The following ST18 variants were observed in gnomAD, a reference collection of about 807,000 sequenced individuals.
The protein encoded by ST18 is suppression of tumorigenicity 18 protein.
Under a neutral mutation model 110.0 loss-of-function variants are expected in ST18, and 50 were observed. That is an observed-to-expected ratio of 0.45 (90% confidence interval 0.36 to 0.58). The LOEUF is 0.58. ST18 is among the 20% of genes least tolerant of loss of function. ST18 has a pLI of 0.00. For synonymous variants in ST18, 461 were observed against 452.4 expected, an observed-to-expected ratio of 1.02 and a Z score of -0.24; for missense variants, 1,306 against 1,280.1, an observed-to-expected ratio of 1.02 and a Z score of -0.31.
intron 2 of ST18, among the ~76,000 whole-genome samples, chr8:52,253,249 G>A (rs1167090235): frequency 2.0e-5 from 3 of 151,936 alleles, no homozygotes; most frequent in East Asian, 1.9e-4. Context: ...TATAATAAAA[G>A]CTTTATTAAA....
intron 2 of ST18, among the ~76,000 whole-genome samples, chr8:52,287,596 A>T (rs2095490069): frequency 1.3e-5 from 2 of 152,342 alleles, no homozygotes; most frequent in South Asian, 4.1e-4. Flanking sequence ...ACCGGTTGCC[A>T]TGAAGGAGAA....
intron 2 of ST18, among the ~76,000 whole-genome samples, chr8:52,254,738 C>G (rs2094471316): frequency 6.6e-6 from 1 of 152,098 alleles, no homozygotes; most frequent in South Asian, 2.1e-4. Context: ...CTCGAGTGTT[C>G]TGATTTTGTG....
rs1454295303 is a variant in ST18 at position 52,150,042 on chromosome 8, G to T, written c.1807-65C>A. 5.2e-6 allele frequency: 8 copies of T among 1,526,944 alleles called. No homozygotes were observed. In the African/African-American group the frequency reaches 5.6e-5, roughly 11 times the overall value. The allele number at this position is 1,526,944 out of a possible 1,614,324, so 94.6% of individuals were successfully genotyped here. A position where few individuals can be genotyped will look rare whatever the true frequency, so the allele number is the denominator to read the frequency against. ...TGCAGTTACAGCCTAGCCATGTGGGGCTTTTAAGGGATCATTTTAAATGTA... is the reference window on the plus strand; with the variant it reads ...TGCAGTTACAGCCTAGCCATGTGGGTCTTTTAAGGGATCATTTTAAATGTA... On this transcript the variant is annotated intron_variant, in intron 15 of 25. Transcript: ENST00000689386.
chr8:52,290,052 G>A (rs989966632), intron 2 of ST18, among the ~76,000 whole-genome samples: 3 of 152,040 alleles, frequency 2.0e-5, no homozygotes, highest in African/African-American at 7.2e-5. Flanking sequence ...CAGGTGCATC[G>A]ACTCTTATGG....
chr8:52,305,846 C>T (rs867380258), intron 2 of ST18, among the ~76,000 whole-genome samples: 31 of 151,634 alleles, frequency 2.0e-4, no homozygotes, highest in African/African-American at 7.2e-4. Context: ...TAACAGGACT[C>T]CTGGCTTGCA....
intron 10 of ST18, 78 bp from the exon 11 acceptor site, chr8:52,167,064 T>C: frequency 1.3e-6 from 2 of 1,507,106 alleles, no homozygotes; most frequent in Non-Finnish European, 1.8e-6. Context: ...CCTTGCAGGG[T>C]GACATTCTCA....
intron 2 of ST18, among the ~76,000 whole-genome samples, chr8:52,400,923 A>G (rs1330687278): frequency 1.3e-5 from 2 of 152,054 alleles, no homozygotes; most frequent in South Asian, 2.1e-4. Flanking sequence ...CGAGTTTTAT[A>G]TTGTCATATG....
At chr8:52,198,819 C>T (rs1268525259) in intron 8 of ST18, among the ~76,000 whole-genome samples, 1 of 152,230 alleles carries the variant, frequency 6.6e-6, no homozygotes. Context: ...ATGAAGCCTG[C>T]AAGCTCCACA....
At chr8:52,142,509 C>T (rs563999454) in intron 17 of ST18, among the ~76,000 whole-genome samples, 1 of 152,246 alleles carries the variant, frequency 6.6e-6, no homozygotes, top group South Asian at 2.1e-4. Context: ...TAGTACATAA[C>T]TCGTACTTAC....
At chr8:52,127,715 T>C (rs1045327298) in intron 22 of ST18, among the ~76,000 whole-genome samples, 3 of 152,076 alleles carry the variant, frequency 2.0e-5, no homozygotes, top group African/African-American at 7.3e-5. Context: ...AAGAATATAG[T>C]TATGAAAGAG....
intron 2 of ST18, among the ~76,000 whole-genome samples, chr8:52,266,582 C>T (rs1300236549): frequency 2.7e-5 from 4 of 147,418 alleles, no homozygotes; most frequent in Non-Finnish European, 5.9e-5. Flanking sequence ...CACTCTGTTG[C>T]CCAGGCTGGA....
intron 19 of ST18, among the ~76,000 whole-genome samples, chr8:52,133,987 T>C (rs983382741): frequency 3.9e-5 from 6 of 152,316 alleles, no homozygotes; most frequent in Admixed American, 3.9e-4. Context: ...CGTCTCGGCC[T>C]CCCAAAGCTC....
rs183880017 is a variant in ST18 at position 52,308,327 on chromosome 8, T to A, written c.-464-78250A>T. Among the ~76,000 whole-genome samples, 84 of 152,378 alleles carry A rather than the reference T, an allele frequency of 5.5e-4. 1 individual carries two copies. The highest frequency in any genetic ancestry group is 3.7e-4 in the Non-Finnish European group (25 of 68,036). On this transcript the variant is annotated intron_variant, in intron 2 of 25. Transcript: ENST00000689386. ...AATATTATTGGCATTTTGTATCTTGTAGAACATTGTACTATACGTTTTCTC... is the reference window on the plus strand; with the variant it reads ...AATATTATTGGCATTTTGTATCTTGAAGAACATTGTACTATACGTTTTCTC...
intron 2 of ST18, among the ~76,000 whole-genome samples, chr8:52,358,687 A>G (rs948485714): frequency 6.6e-6 from 1 of 152,016 alleles, no homozygotes; most frequent in Non-Finnish European, 1.5e-5. Flanking sequence ...TAGCAAGTAA[A>G]GAGATTGAAT....
chr8:52,374,241 A>G (rs1233403949), intron 2 of ST18, among the ~76,000 whole-genome samples: 2 of 152,176 alleles, frequency 1.3e-5, no homozygotes, highest in Non-Finnish European at 2.9e-5. Context: ...ATCCAGTATG[A>G]CTGGTGTCCT....
At chr8:52,385,003 T>C (rs1471068287) in intron 2 of ST18, among the ~76,000 whole-genome samples, 1 of 152,246 alleles carries the variant, frequency 6.6e-6, no homozygotes, top group Non-Finnish European at 1.5e-5. Flanking sequence ...TTACTAATAA[T>C]AGTACCTTAC....
chr8:52,188,253 G>A (rs1306179375), intron 8 of ST18, among the ~76,000 whole-genome samples: 1 of 152,162 alleles, frequency 6.6e-6, no homozygotes, highest in African/African-American at 2.4e-5. Context: ...TGCTAGCAAA[G>A]GATCAGAGTT....
intron 8 of ST18, among the ~76,000 whole-genome samples, chr8:52,201,840 G>C (rs921928887): frequency 6.6e-6 from 1 of 152,124 alleles, no homozygotes; most frequent in African/African-American, 2.4e-5. Flanking sequence ...TTCCAGTTTT[G>C]TTTTCTCTTC....
At chr8:52,195,165 T>C (rs1424333556) in intron 8 of ST18, among the ~76,000 whole-genome samples, 1 of 152,178 alleles carries the variant, frequency 6.6e-6, no homozygotes, top group Admixed American at 6.5e-5. Context: ...TGATGGATCA[T>C]AGGGATGTAC....
Sources: gnomAD v4.1 joint callset for allele counts (sites outside exome capture counted in the v4.1 genomes callset) on GRCh38, gnomAD v4.1.1 for gene constraint, MANE v1.5 for transcripts, NCBI Gene and HGNC (gene_info 2026-07-23, HGNC 2026-07-21) for gene names.